ZFYVE9: variants seen among roughly 807,000 people sequenced by gnomAD.
ZFYVE9 encodes the protein zinc finger FYVE domain-containing protein 9.
A neutral mutation model predicts 126.7 loss-of-function variants in ZFYVE9; 43 were observed. The ratio of observed to expected loss-of-function variants is 0.34; its 90% CI spans 0.27 to 0.44. The LOEUF is 0.44. ZFYVE9 is among the 20% of genes least tolerant of loss of function. ZFYVE9 has a pLI of 1.00. For synonymous variants in ZFYVE9, 521 were observed against 597.4 expected (o/e 0.87, Z 1.87); for missense variants, 1,476 against 1,697.0 (o/e 0.87, Z 2.29).
At chr1:52,261,226 CTTT>C (rs954031127) in intron 4 of ZFYVE9, among the ~76,000 whole-genome samples, 6 of 132,104 alleles carry the variant, frequency 4.5e-5, no homozygotes, top group Admixed American at 7.6e-5. Flanking sequence ...TTCTTTCTTT[CTTT>C]TTTTTTTTTT....
intron 13 of ZFYVE9, among the ~76,000 whole-genome samples, chr1:52,332,178 G>C (rs1030734543): frequency 6.6e-6 from 1 of 151,628 alleles, no homozygotes; most frequent in Admixed American, 6.6e-5. Context: ...CATATTACAT[G>C]CAAAACAGTG....
At chr1:52,235,480 T>C (rs1645265152) in intron 3 of ZFYVE9, among the ~76,000 whole-genome samples, 2 of 152,154 alleles carry the variant, frequency 1.3e-5, no homozygotes. Context: ...TATGACTTAT[T>C]TGCTTTTTTT....
In ZFYVE9 at chr1:52,334,780, A is replaced by G; in HGVS notation, c.3670+12A>G. On this transcript the variant is annotated intron_variant, in intron 15 of 18. Coordinates refer to ENST00000287727, the MANE Select transcript of ZFYVE9 (RefSeq NM_004799.4). ...CAGTATTGTGGAAGGTAAAGAATGA[A>G]TTGTTCAGTCCTCATAATAAGGACT... 6.2e-7 allele frequency: 1 copy of G among 1,613,112 alleles called. No homozygotes were observed. The highest frequency in any genetic ancestry group is 8.5e-7 in the Non-Finnish European group (1 of 1,179,180).
intron 1 of ZFYVE9, among the ~76,000 whole-genome samples, chr1:52,207,339 A>G (rs1405476238): frequency 1.3e-5 from 2 of 152,174 alleles, no homozygotes; most frequent in Admixed American, 1.3e-4. Flanking sequence ...ACATTTTCCA[A>G]TATTTGTTAA....
chr1:52,344,345 G>A (rs1205432691), intron 17 of ZFYVE9, among the ~76,000 whole-genome samples: 1 of 152,162 alleles, frequency 6.6e-6, no homozygotes, highest in African/African-American at 2.4e-5. Flanking sequence ...TCCCTTCTAA[G>A]ACTAATTGTA....
chr1:52,344,788 T>A lies in ZFYVE9; in HGVS notation c.3960T>A (p.Asp1320Glu), dbSNP rs766144594. The change falls in exon 18 of 19, where the codon GAT becomes GAA. Residue 1320 changes from aspartate (D) to glutamate (E), a missense_variant. Around this residue, in one of 2 missense-constraint regions of ZFYVE9, gnomAD observed 669 missense variants for 902.4 expected, o/e 0.74. Transcript: ENST00000287727. ...RWTEVFFLENDDQHNCLSDPA... is the reference protein window; with the variant it reads ...RWTEVFFLENEDQHNCLSDPA... ...AACAGGTGTTTTTCCTAGAAAACGA[T>A]GACCAGCACAATTGCCTCAGTGATC... The A allele has an allele frequency of 9.9e-6, 16 of 1,613,716 alleles. No individual in the cohort carries two copies. The highest frequency in any genetic ancestry group is 1.3e-5 in the Non-Finnish European group (15 of 1,179,854).
intron 1 of ZFYVE9, among the ~76,000 whole-genome samples, chr1:52,210,111 G>A (rs1436290243): frequency 2.0e-5 from 3 of 152,126 alleles, no homozygotes; most frequent in African/African-American, 7.2e-5. Flanking sequence ...ATGTAGAGTT[G>A]GGAGGAGAGG....
At chr1:52,288,062 A>G (rs1323069385) in intron 10 of ZFYVE9, among the ~76,000 whole-genome samples, 3 of 152,226 alleles carry the variant, frequency 2.0e-5, no homozygotes, top group Admixed American at 6.5e-5. Context: ...CACTTAATAT[A>G]TGCTAAGCAG....
chr1:52,250,337 GGTTAA>G (rs2124645391), intron 4 of ZFYVE9, among the ~76,000 whole-genome samples: 1 of 152,036 alleles, frequency 6.6e-6, no homozygotes, highest in African/African-American at 2.4e-5. Context: ...TTACCTCCTT[GGTTAA>G]GTTAATTTCT....
chr1:52,272,916 C>T (rs147235063), intron 7 of ZFYVE9, among the ~76,000 whole-genome samples: 116 of 152,156 alleles, frequency 7.6e-4, no homozygotes, highest in African/African-American at 2.7e-3. Context: ...CCTTCCTTGG[C>T]CTTCCAAAGT....
At chr1:52,309,075 A>G (rs948836748) in intron 13 of ZFYVE9, among the ~76,000 whole-genome samples, 22 of 152,250 alleles carry the variant, frequency 1.4e-4, no homozygotes, top group Admixed American at 7.2e-4. Context: ...TTGACCCTGA[A>G]TCCCTAACAG....
At chr1:52,318,596 A>G (rs565178074) in intron 13 of ZFYVE9, among the ~76,000 whole-genome samples, 2 of 152,216 alleles carry the variant, frequency 1.3e-5, no homozygotes, top group East Asian at 1.9e-4. Context: ...ATAAGGGGAA[A>G]AAAAATAAGA....
chr1:52,194,411 C>CT (rs770283023), intron 1 of ZFYVE9, among the ~76,000 whole-genome samples: 1 of 151,898 alleles, frequency 6.6e-6, no homozygotes, highest in Non-Finnish European at 1.5e-5. Flanking sequence ...TAAACTGAGA[C>CT]TAAGATTCTA....
chr1:52,277,105 G>A (rs1645755414), intron 8 of ZFYVE9, among the ~76,000 whole-genome samples: 1 of 152,092 alleles, frequency 6.6e-6, no homozygotes, highest in Non-Finnish European at 1.5e-5. Flanking sequence ...GCTGCTTAGG[G>A]TTCAGATTTT....
chr1:52,209,309 A>G (rs1645006334), intron 1 of ZFYVE9, among the ~76,000 whole-genome samples: 1 of 152,056 alleles, frequency 6.6e-6, no homozygotes, highest in Non-Finnish European at 1.5e-5. Flanking sequence ...CTTAAAAAAT[A>G]ATATGGATGA....
At chr1:52,337,630 A>T in intron 15 of ZFYVE9, 142 bp from the exon 16 acceptor site, 2 of 793,198 alleles carry the variant, frequency 2.5e-6, no homozygotes, top group Non-Finnish European at 3.9e-6. Flanking sequence ...TTTCAGTAAG[A>T]GGTTCAGCTC....
At chr1:52,172,650 A>T (rs1572072579) in intron 1 of ZFYVE9, among the ~76,000 whole-genome samples, 2 of 152,120 alleles carry the variant, frequency 1.3e-5, no homozygotes, top group South Asian at 4.1e-4. Flanking sequence ...ATGTTCTTCC[A>T]TTTGTTTGTA....
At chr1:52,176,997 C>T (rs996477778) in intron 1 of ZFYVE9, among the ~76,000 whole-genome samples, 11 of 152,152 alleles carry the variant, frequency 7.2e-5, no homozygotes, top group African/African-American at 2.7e-4. Flanking sequence ...GCGCTGCACC[C>T]ACTGTCCTGT....
At chr1:52,295,177 A>C (rs1645961100) in intron 11 of ZFYVE9, among the ~76,000 whole-genome samples, 1 of 152,180 alleles carries the variant, frequency 6.6e-6, no homozygotes, top group African/African-American at 2.4e-5. Flanking sequence ...CCTGGGTGAC[A>C]GAGTGAGACT....
Sources: allele counts gnomAD v4.1 joint callset (sites outside exome capture counted in the v4.1 genomes callset), GRCh38; gene constraint gnomAD v4.1.1; regional missense constraint gnomAD v4.1.1; transcripts MANE v1.5; gene names NCBI Gene and HGNC (gene_info 2026-07-23, HGNC 2026-07-21).